IGSF23: variants seen among roughly 807,000 people sequenced by gnomAD.
The protein encoded by IGSF23 is immunoglobulin superfamily member 23.
A neutral mutation model predicts 17.8 loss-of-function variants in IGSF23; 14 were observed. That is an observed-to-expected ratio of 0.79 (90% CI 0.52 to 1.23). The LOEUF is 1.23. Among genes scored for constraint, IGSF23 ranks in the 50% most tolerant of loss-of-function variants. The pLI is 0.00. For missense variants in IGSF23, 214 were observed against 241.7 expected (o/e 0.89, Z 0.76); for synonymous variants, 85 against 92.5 (o/e 0.92, Z 0.46).
intron 2 of IGSF23, among the ~76,000 whole-genome samples, chr19:44,626,236 C>T (rs1224938272): frequency 6.6e-6 from 1 of 152,192 alleles, no homozygotes; most frequent in Non-Finnish European, 1.5e-5. Flanking sequence ...AGAACCACCT[C>T]ACCTCCCTGG....
At chr19:44,618,113 A>G (rs10412507) in intron 1 of IGSF23, 218,818 of 470,648 alleles carry the variant, frequency 0.46, 51,556 homozygotes, top group East Asian at 0.69. Context: ...CTGCCTTCTC[A>G]GAGCTGCCCT....
At chr19:44,628,324 C>CAG (rs1186928754) in intron 3 of IGSF23, among the ~76,000 whole-genome samples, 2 of 152,160 alleles carry the variant, frequency 1.3e-5, no homozygotes, top group African/African-American at 4.8e-5. Flanking sequence ...CACATATCTG[C>CAG]AGTGACCGCT....
intron 3 of IGSF23, among the ~76,000 whole-genome samples, chr19:44,634,820 A>G (rs532890499): frequency 6.6e-6 from 1 of 152,046 alleles, no homozygotes; most frequent in Non-Finnish European, 1.5e-5. Context: ...AAAAAGAAAA[A>G]AAAAAAAAAA....
chr19:44,620,384 T>TGTGTGTGA (rs367864064), intron 1 of IGSF23, among the ~76,000 whole-genome samples: 7 of 142,960 alleles, frequency 4.9e-5, no homozygotes, highest in Non-Finnish European at 1.1e-4. Flanking sequence ...TGTGTGTGTG[T>TGTGTGTGA]GAGATGGAGC....
At position 44,627,522 on chromosome 19, in the gene IGSF23, G is replaced by C. The variant is rs1326190325; in HGVS notation, c.494G>C (p.Gly165Ala). Residue 165 changes from glycine to alanine, a missense_variant, in exon 3 of 5, where the codon GGA becomes GCA. Transcript: ENST00000402988. ...AIGLLAAGIL[G>A]AGALIAGMCF... ...GGGCTCCTTGCGGCTGGGATCCTGG[G>C]AGCCGGGGCACTGATTGCAGGCATG... 1 of 1,550,516 alleles carries C rather than the reference G, an allele frequency of 6.4e-7. No individual in the cohort carries two copies. Among genetic ancestry groups the C allele is most frequent in the Non-Finnish European group, 8.7e-7 (1 of 1,146,974 alleles).
intron 3 of IGSF23, among the ~76,000 whole-genome samples, chr19:44,630,551 C>T (rs1972742902): frequency 6.6e-6 from 1 of 152,212 alleles, no homozygotes; most frequent in Non-Finnish European, 1.5e-5. Flanking sequence ...CAAGTCCCTG[C>T]CCTCATGAGC....
At chr19:44,628,819 A>T (rs1972709289) in intron 3 of IGSF23, among the ~76,000 whole-genome samples, 1 of 152,162 alleles carries the variant, frequency 6.6e-6, no homozygotes, top group Admixed American at 6.5e-5. Context: ...GAGAGGAGTG[A>T]GGCTGGGAAG....
In IGSF23 at chr19:44,623,330, CAG is replaced by C. The variant is rs201674767; in HGVS notation, c.126-374_126-373del. 3.9e-5 allele frequency among the ~76,000 whole-genome samples: 6 copies of C among 152,312 alleles called. No individual in the cohort carries two copies. In the East Asian group the frequency reaches 1.2e-3, roughly 29 times the overall value. ...CAGGCCCTGGTGTGGAATGACTCTGCAGAGTTATCCCACATAGCAGAGAGGGA... is the reference window on the plus strand; with the variant it reads ...CAGGCCCTGGTGTGGAATGACTCTGCAGTTATCCCACATAGCAGAGAGGGA... On this transcript the variant is annotated intron_variant, in intron 1 of 4. Coordinates refer to ENST00000402988, the MANE Select transcript of IGSF23 (RefSeq NM_001205280.2).
At chr19:44,634,988 T>C (rs1972854967) in intron 3 of IGSF23, among the ~76,000 whole-genome samples, 2 of 152,080 alleles carry the variant, frequency 1.3e-5, no homozygotes. Context: ...CCAGCTGCTG[T>C]AACAAAAATG....
chr19:44,615,142 A>G (rs971375911), intron 1 of IGSF23, among the ~76,000 whole-genome samples: 1 of 151,760 alleles, frequency 6.6e-6, no homozygotes, highest in Non-Finnish European at 1.5e-5. Context: ...ACAAAAAATT[A>G]GCCAGGCCTG....
chr19:44,614,120 A>C, intron 1 of IGSF23: 1 of 580,566 alleles, frequency 1.7e-6, no homozygotes, highest in Non-Finnish European at 2.9e-6. Context: ...CAGGCACCCA[A>C]CTCATGAGAA....
chr19:44,623,707 C>T lies in IGSF23; in HGVS notation c.126C>T (p.Val42=), dbSNP rs1417853826. 1 of 1,551,078 alleles carries T rather than the reference C, an allele frequency of 6.4e-7. No homozygotes were observed. The highest frequency in any genetic ancestry group is 2.0e-5 in the Admixed American group (1 of 51,006). ...AAGGDFPANL[V]LQLMPLKTFP... ...CCTTGTTCCCTGTTTGCACAGACAG[C>T]CTCCAACTAATGCCACTGAAGACAT... is the stretch of plus-strand genomic sequence containing the variant. The change falls in exon 2 of 5, where the codon GTC becomes GTT. Residue 42 remains valine (V), a splice_region_variant and synonymous_variant. Coordinates refer to ENST00000402988, the MANE Select transcript of IGSF23 (RefSeq NM_001205280.2).
intron 2 of IGSF23, among the ~76,000 whole-genome samples, chr19:44,627,108 G>A (rs1037767744): frequency 1.3e-5 from 2 of 152,144 alleles, no homozygotes; most frequent in African/African-American, 4.8e-5. Flanking sequence ...CCAGGTGGCA[G>A]GGCCTCGAAG....
chr19:44,624,801 C>T (rs1171185444), intron 2 of IGSF23, among the ~76,000 whole-genome samples: 1 of 150,922 alleles, frequency 6.6e-6, no homozygotes, highest in East Asian at 2.0e-4. Flanking sequence ...GTGGCTCACA[C>T]CTGTAACCCC....
intron 3 of IGSF23, among the ~76,000 whole-genome samples, chr19:44,634,827 A>C (rs975138553): frequency 2.0e-5 from 3 of 152,184 alleles, no homozygotes; most frequent in Middle Eastern, 3.4e-3. Context: ...AAAAAAAAAA[A>C]AAACCCAGGG....
In IGSF23 at chr19:44,635,481, G is replaced by A; in HGVS notation, c.*31+16G>A. Reference sequence around the variant, plus strand: ...AGCTGAAGAGGTAATACCAGGAAGGGTGTGAAGGAAATCCTAGGTTTGGGA... The same window carrying A: ...AGCTGAAGAGGTAATACCAGGAAGGATGTGAAGGAAATCCTAGGTTTGGGA... On this transcript the variant is annotated intron_variant, in intron 4 of 4. Coordinates refer to ENST00000402988, the MANE Select transcript of IGSF23 (RefSeq NM_001205280.2). 2 of 1,532,896 alleles carry A rather than the reference G, an allele frequency of 1.3e-6. No individual in the cohort carries two copies. Among genetic ancestry groups the A allele is most frequent in the South Asian group, 2.4e-5 (2 of 83,502 alleles). 95.0% of individuals were successfully genotyped at this position (1,532,896 alleles called of 1,614,324 possible). A position where few individuals can be genotyped will look rare whatever the true frequency, so the allele number is the denominator to read the frequency against.
At chr19:44,616,876 GAGAGAGAGAGGGAGAGAGAGAAAA>G (rs1002748030) in intron 1 of IGSF23, among the ~76,000 whole-genome samples, 1 of 150,436 alleles carries the variant, frequency 6.6e-6, no homozygotes, top group African/African-American at 2.4e-5. Context: ...CATATATGTA[GAGAGAGAGAGGGAGAGAGAGAAAA>G]AGAGAGAGAG....
At chr19:44,623,380 G>A (rs1051807053) in intron 1 of IGSF23, among the ~76,000 whole-genome samples, 1 of 152,218 alleles carries the variant, frequency 6.6e-6, no homozygotes, top group Non-Finnish European at 1.5e-5. Context: ...ATATACCAAC[G>A]TGTCCTGGCA....
intron 1 of IGSF23, among the ~76,000 whole-genome samples, chr19:44,619,129 G>C (rs1159603260): frequency 6.6e-6 from 1 of 152,090 alleles, no homozygotes; most frequent in Non-Finnish European, 1.5e-5. Context: ...TCTCCCGTGA[G>C]AACAGGAGCA....
Sources: allele counts gnomAD v4.1 joint callset (sites outside exome capture counted in the v4.1 genomes callset), GRCh38; gene constraint gnomAD v4.1.1; transcripts MANE v1.5; gene names NCBI Gene and HGNC (gene_info 2026-07-23, HGNC 2026-07-21).